Variants in DSG1 observed in about 807,000 individuals in gnomAD.
DSG1 encodes desmoglein 1, also known as desmoglein-1.
Under a neutral mutation model 97.5 loss-of-function variants are expected in DSG1, and 39 were observed. The ratio of observed to expected loss-of-function variants is 0.40; its 90% confidence interval spans 0.31 to 0.52. The LOEUF (loss-of-function observed/expected upper bound fraction) is 0.52, where lower values mean the gene tolerates loss of function less well. Ranked by LOEUF, DSG1 falls within the 20% of genes least tolerant of loss-of-function variation. The pLI is 0.53. For missense variants in DSG1, 1,311 were observed against 1,295.4 expected (o/e 1.01, Z -0.18); for synonymous variants, 475 against 443.4 (o/e 1.07, Z -0.90).
At chr18:31,347,629 G>A (rs983517092) in intron 14 of DSG1, 2 of 152,128 alleles carry the variant, frequency 1.3e-5, no homozygotes, top group Non-Finnish European at 2.9e-5. Context: ...CCACTATTAC[G>A]AACAACAAAG....
intron 6 of DSG1, 43 bp downstream of exon 6, chr18:31,331,910 T>C: frequency 6.3e-7 from 1 of 1,583,384 alleles, no homozygotes. Flanking sequence ...TCAAAGGAAC[T>C]GATTCTAAAA....
intron 4 of DSG1, among the ~76,000 whole-genome samples, chr18:31,329,022 C>T (rs2071704103): frequency 6.6e-6 from 1 of 152,114 alleles, no homozygotes; most frequent in African/African-American, 2.4e-5. Flanking sequence ...AGGCTGAGGC[C>T]ATCCATCACA....
At position 31,345,991 on chromosome 18, in the gene DSG1, A is replaced by G; in HGVS notation, c.1893A>G (p.Gly631=). ...ATTTAATTTGATCAACACTTTTAGG[A>G]GTTTATACAAATGAGTATGGTGGCA... ...ANIIECIDNS[G]VYTNEYGGRE... is the part of the protein sequence containing the mutation. Residue 631 remains glycine, a splice_region_variant and synonymous_variant, in exon 14 of 15, where the codon GGA becomes GGG. Transcript: ENST00000257192. 1 of 1,612,420 alleles carries G rather than the reference A, an allele frequency of 6.2e-7. No individual in the cohort carries two copies. Among genetic ancestry groups the G allele is most frequent in the Non-Finnish European group, 8.5e-7 (1 of 1,178,588 alleles).
intron 1 of DSG1, among the ~76,000 whole-genome samples, chr18:31,321,262 C>T (rs906038611): frequency 1.3e-5 from 2 of 152,120 alleles, no homozygotes; most frequent in South Asian, 4.1e-4. Context: ...TACATAGTTC[C>T]TAAACTTACT....
chr18:31,346,350 A>C, intron 14 of DSG1, 152 bp downstream of exon 14: 2 of 732,636 alleles, frequency 2.7e-6, no homozygotes, highest in African/African-American at 3.5e-5. Flanking sequence ...GCTGTTAATG[A>C]ATTATATATC....
Position 31,326,490 on chromosome 18 carries a change from G to A in DSG1, c.49-91G>A, listed in dbSNP as rs1012070842. 14 of 1,015,698 alleles carry A rather than the reference G, an allele frequency of 1.4e-5. No individual in the cohort carries two copies. In the African/African-American group the frequency reaches 2.1e-4, roughly 15 times the overall value. 62.9% of individuals were successfully genotyped at this position (1,015,698 alleles called of 1,614,324 possible). ...TAATTTTAATGACTCACAAGCCTAT[G>A]GTTTCATGTTGTTTTTAAAGTAACT... On this transcript the variant is annotated intron_variant, in intron 1 of 14. Transcript: ENST00000257192.
Position 31,358,502 on chromosome 18 carries a change from T to C in DSG1, c.*3156T>C, listed in dbSNP as rs1161612332. 2.6e-5 allele frequency among the ~76,000 whole-genome samples: 4 copies of C among 152,110 alleles called. No individual in the cohort carries two copies. In the East Asian group the frequency reaches 7.7e-4, roughly 29 times the overall value. On this transcript the variant is annotated 3_prime_UTR_variant, in exon 15 of 15. Transcript: ENST00000257192. The stretch of plus-strand genomic sequence containing the variant: ...AGAAAATGTTCTGACAAAATTTTAA[T>C]TATATGTCTTCAAAAATTACATTTT...
At chr18:31,333,776 A>T in intron 7 of DSG1, 53 bp downstream of exon 7, 1 of 1,592,080 alleles carries the variant, frequency 6.3e-7, no homozygotes, top group Non-Finnish European at 8.6e-7. Context: ...ATTCTAAAAC[A>T]TATACGAACA....
chr18:31,356,835 A>G lies in DSG1; in HGVS notation c.*1489A>G, dbSNP rs538030517. 6.6e-6 allele frequency: 1 copy of G among 152,276 alleles called. No individual in the cohort carries two copies. The highest frequency in any genetic ancestry group is 6.5e-5 in the Admixed American group (1 of 15,292). 9.4% of individuals were successfully genotyped at this position (152,276 alleles called of 1,614,324 possible). ...TTTAGTAATGTCCTATTTATGATAT[A>G]TCATTTCTGTGTGTTTGCTATGTAG... is the stretch of plus-strand genomic sequence containing the variant. On this transcript the variant is annotated 3_prime_UTR_variant, in exon 15 of 15. Coordinates refer to ENST00000257192, the MANE Select transcript of DSG1 (RefSeq NM_001942.4).
In DSG1 at chr18:31,331,961, G is replaced by A. The variant is rs534729208; in HGVS notation, c.684+94G>A. 15 of 1,273,546 alleles carry A rather than the reference G, an allele frequency of 1.2e-5. No individual in the cohort carries two copies. The South Asian group carries it at 1.9e-4, about 16-fold the overall frequency. The allele number at this position is 1,273,546 out of a possible 1,614,324, so 78.9% of individuals were successfully genotyped here. On this transcript the variant is annotated intron_variant, in intron 6 of 14. Coordinates refer to ENST00000257192, the MANE Select transcript of DSG1 (RefSeq NM_001942.4). ...AGACAAAGAGATGAAGAAAATGATG[G>A]TTTAAATTTTTACTTGTATAACTTT...
chr18:31,332,894 G>C (rs2071729521), intron 6 of DSG1, among the ~76,000 whole-genome samples: 1 of 152,142 alleles, frequency 6.6e-6, no homozygotes, highest in South Asian at 2.1e-4. Context: ...CATGTCAAAA[G>C]AGCTTTCGTG....
rs575548654 is a variant in DSG1 at position 31,346,633 on chromosome 18, A to C, written c.2100+435A>C. ...CTATGTCTCTCACAAACTCCTACCC[A>C]TCCTTCAAGACCCAGTCCAAATATC... On this transcript the variant is annotated intron_variant, in intron 14 of 14. Transcript: ENST00000257192. Among the ~76,000 whole-genome samples, 11 of 152,116 alleles carry C rather than the reference A, an allele frequency of 7.2e-5. No individual in the cohort carries two copies. In the East Asian group the frequency reaches 1.9e-3, roughly 27 times the overall value.
chr18:31,343,420 A>G, intron 11 of DSG1, 30 bp from the exon 12 acceptor site: 1 of 1,613,976 alleles, frequency 6.2e-7, no homozygotes, highest in Non-Finnish European at 8.5e-7. Context: ...CCCAGTGCTA[A>G]CTCTAGTATT....
chr18:31,333,476 C>T lies in DSG1; in HGVS notation c.685-113C>T, dbSNP rs2071732818. ...TTTCCCATATTCTGTGTTAACCCTA[C>T]CTCTATCATAGATTTATGTAAACGT... On this transcript the variant is annotated intron_variant, in intron 6 of 14. Coordinates refer to ENST00000257192, the MANE Select transcript of DSG1 (RefSeq NM_001942.4). The T allele has an allele frequency of 1.3e-5, 16 of 1,270,162 alleles. No homozygotes were observed. The South Asian group carries it at 1.7e-4, about 13-fold the overall frequency. The allele number at this position is 1,270,162 out of a possible 1,614,324, so 78.7% of individuals were successfully genotyped here. A position where few individuals can be genotyped will look rare whatever the true frequency, so the allele number is the denominator to read the frequency against.
At chr18:31,329,410 A>T (rs2071707090) in intron 4 of DSG1, among the ~76,000 whole-genome samples, 1 of 151,956 alleles carries the variant, frequency 6.6e-6, no homozygotes, top group Non-Finnish European at 1.5e-5. Flanking sequence ...ACACAACTTT[A>T]ATTCTTTAGC....
At chr18:31,338,885 A>G (rs16961683) in intron 10 of DSG1, among the ~76,000 whole-genome samples, 3 of 152,178 alleles carry the variant, frequency 2.0e-5, no homozygotes, top group African/African-American at 7.2e-5. Context: ...TTTCTGTTAT[A>G]TACTTCCAGA....
intron 10 of DSG1, among the ~76,000 whole-genome samples, chr18:31,339,350 G>C (rs969425418): frequency 3.3e-5 from 5 of 151,974 alleles, no homozygotes; most frequent in Non-Finnish European, 5.9e-5. Flanking sequence ...CAACCATTCG[G>C]CATTATAATT....
At chr18:31,332,774 A>G (rs929836202) in intron 6 of DSG1, among the ~76,000 whole-genome samples, 1 of 152,172 alleles carries the variant, frequency 6.6e-6, no homozygotes, top group African/African-American at 2.4e-5. Flanking sequence ...ACAAGTTTCT[A>G]TGTTACCTAA....
At position 31,339,805 on chromosome 18, in the gene DSG1, C is replaced by T. The variant is rs200542064; in HGVS notation, c.1467C>T (p.Asp489=). The T allele has an allele frequency of 2.5e-5, 41 of 1,613,110 alleles. No individual in the cohort carries two copies. Among genetic ancestry groups the T allele is most frequent in the East Asian group, 8.9e-5 (4 of 44,854 alleles). The change falls in exon 11 of 15, where the codon GAC becomes GAT. Residue 489 remains aspartate (D), a synonymous_variant. Transcript: ENST00000257192. The stretch of plus-strand genomic sequence containing the variant: ...TTAACATTCAAAGTTTTGGTAATGA[C>T]GACAGGACTAATACAGAGCCGAACA... ...ININIQSFGN[D]DRTNTEPNTK... is the part of the protein sequence containing the mutation.
Sources: allele counts gnomAD v4.1 joint callset (sites outside exome capture counted in the v4.1 genomes callset), GRCh38; gene constraint gnomAD v4.1.1; transcripts MANE v1.5; gene names NCBI Gene and HGNC (gene_info 2026-07-23, HGNC 2026-07-21).